Variants in TBL1XR1 observed in about 807,000 individuals in gnomAD.
The protein encoded by TBL1XR1 is F-box-like/WD repeat-containing protein TBL1XR1.
Under a neutral mutation model 66.9 loss-of-function variants are expected in TBL1XR1, and 5 were observed. The observed-to-expected ratio is 0.07, with a 90% CI of 0.04 to 0.16. The LOEUF is 0.16. Ranked by LOEUF, TBL1XR1 falls within the 10% of genes least tolerant of loss-of-function variation. The pLI is 1.00. For missense variants in TBL1XR1, 238 were observed against 623.2 expected, an observed-to-expected ratio of 0.38 and a Z score of 6.58; for synonymous variants, 210 against 206.0, an observed-to-expected ratio of 1.02 and a Z score of -0.17.
intron 2 of TBL1XR1, among the ~76,000 whole-genome samples, chr3:177,081,734 C>T (rs1382989400): frequency 1.9e-4 from 19 of 102,004 alleles, no homozygotes; most frequent in African/African-American, 7.7e-4. Flanking sequence ...TAAGGCAAGA[C>T]CCTGACTTCA....
In TBL1XR1 at chr3:177,150,257, G is replaced by A. The variant is rs77874870; in HGVS notation, c.-122+46864C>T. ...TTTAAATTAACAAACTGGCCTTAGA[G>A]AGACATATGGAATGGTATTCAAGAA... On this transcript the variant is annotated intron_variant, in intron 1 of 15. Transcript: ENST00000457928. Among the ~76,000 whole-genome samples the A allele has an allele frequency of 4.2e-3, 635 of 152,300 alleles. 11 individuals are homozygous for A. Among genetic ancestry groups the A allele is most frequent in the African/African-American group, 9.7e-3 (402 of 41,562 alleles).
chr3:177,182,729 T>C lies in TBL1XR1; in HGVS notation c.-122+14392A>G, dbSNP rs1168824408. ...GAAACACATGACTAGTGGTCATCATTGGCAAGGATGTTAATTTAAGACTGT... is the reference window on the plus strand; with the variant it reads ...GAAACACATGACTAGTGGTCATCATCGGCAAGGATGTTAATTTAAGACTGT... On this transcript the variant is annotated intron_variant, in intron 1 of 15. Coordinates refer to ENST00000457928, the MANE Select transcript of TBL1XR1 (RefSeq NM_024665.7). Among the ~76,000 whole-genome samples, 4 of 151,912 alleles carry C rather than the reference T, an allele frequency of 2.6e-5. No individual in the cohort carries two copies. The East Asian group carries it at 7.7e-4, about 29-fold the overall frequency.
At chr3:177,198,989 A>G (rs1397309951), upstream of TBL1XR1, among the ~76,000 whole-genome samples, 1 of 152,020 alleles carries the variant, frequency 6.6e-6, no homozygotes, top group Admixed American at 6.6e-5. Context: ...GCCAAGGTCA[A>G]TGTCTCTTTC....
chr3:177,082,738 T>TTATTTATATATATA (rs1721565980), intron 2 of TBL1XR1, among the ~76,000 whole-genome samples: 1 of 63,234 alleles, frequency 1.6e-5, no homozygotes, highest in African/African-American at 6.4e-5. Flanking sequence ...AAGATAGAGA[T>TTATTTATATATATA]TATATATATA....
chr3:177,090,515 A>G (rs2108640371), intron 2 of TBL1XR1, among the ~76,000 whole-genome samples: 1 of 120,696 alleles, frequency 8.3e-6, no homozygotes, highest in African/African-American at 3.4e-5. Flanking sequence ...CACTGTCTCT[A>G]CTAAAAAAAA....
At chr3:177,099,138 AG>A (rs1263045544) in intron 1 of TBL1XR1, among the ~76,000 whole-genome samples, 1 of 152,094 alleles carries the variant, frequency 6.6e-6, no homozygotes, top group Non-Finnish European at 1.5e-5. Context: ...AGGCCGAAGC[AG>A]GCGGATCACC....
At chr3:177,044,866 C>T (rs1716108829) in intron 10 of TBL1XR1, 1 of 152,088 alleles carries the variant, frequency 6.6e-6, no homozygotes, top group Non-Finnish European at 1.5e-5. Context: ...GTACCATAAA[C>T]ATACTTACTT....
At chr3:177,063,151 GATA>G (rs1718735312) in intron 3 of TBL1XR1, among the ~76,000 whole-genome samples, 1 of 151,906 alleles carries the variant, frequency 6.6e-6, no homozygotes. Context: ...CACAACTTTT[GATA>G]ATATTTAATC....
At chr3:177,074,108 C>T (rs1191918651) in intron 2 of TBL1XR1, among the ~76,000 whole-genome samples, 1 of 152,138 alleles carries the variant, frequency 6.6e-6, no homozygotes, top group Non-Finnish European at 1.5e-5. Context: ...GCAGGGCTAG[C>T]TGGGCAAAAA....
intron 1 of TBL1XR1, among the ~76,000 whole-genome samples, chr3:177,131,953 C>T (rs182796399): frequency 1.3e-5 from 2 of 151,190 alleles, no homozygotes; most frequent in East Asian, 3.9e-4. Context: ...GATTGTTAAC[C>T]CCAGAAGGCT....
intron 1 of TBL1XR1, among the ~76,000 whole-genome samples, chr3:177,188,789 A>G: frequency 6.6e-6 from 1 of 152,232 alleles, no homozygotes; most frequent in Non-Finnish European, 1.5e-5. Context: ...ACCTTTCAGC[A>G]TGATCCTTAC....
chr3:177,112,146 T>G (rs2108727563), intron 1 of TBL1XR1, among the ~76,000 whole-genome samples: 1 of 135,822 alleles, frequency 7.4e-6, no homozygotes, highest in East Asian at 2.3e-4. Flanking sequence ...CTGACTCTGT[T>G]GCCGAGGCTG....
At chr3:177,159,518 A>AGCAT (rs2108883096) in intron 1 of TBL1XR1, among the ~76,000 whole-genome samples, 1 of 152,350 alleles carries the variant, frequency 6.6e-6, no homozygotes, top group Non-Finnish European at 1.5e-5. Flanking sequence ...AAAAACCAAG[A>AGCAT]CACAAAATTC....
chr3:177,031,015 G>A (rs1204833839), intron 14 of TBL1XR1, among the ~76,000 whole-genome samples: 1 of 152,194 alleles, frequency 6.6e-6, no homozygotes, highest in African/African-American at 2.4e-5. Context: ...ATGGGGCTGA[G>A]GCAGGAGAAT....
intron 2 of TBL1XR1, among the ~76,000 whole-genome samples, chr3:177,073,233 C>G (rs559146756): frequency 6.6e-6 from 1 of 152,112 alleles, no homozygotes; most frequent in East Asian, 1.9e-4. Context: ...CCTATTGAGT[C>G]CCTCATGGCA....
At chr3:177,089,750 CAG>C (rs1433116560) in intron 2 of TBL1XR1, among the ~76,000 whole-genome samples, 1 of 152,122 alleles carries the variant, frequency 6.6e-6, no homozygotes, top group African/African-American at 2.4e-5. Context: ...TAGAAGGGCT[CAG>C]GGGATTGATC....
chr3:177,197,341 G>C lies in TBL1XR1; in HGVS notation c.-342C>G, dbSNP rs1483224886. The C allele has an allele frequency of 1.4e-5, 2 of 146,804 alleles. No homozygotes were observed. Among genetic ancestry groups the C allele is most frequent in the South Asian group, 3.7e-4 (2 of 5,472 alleles). The allele number at this position is 146,804 out of a possible 1,614,324, so 9.1% of individuals were successfully genotyped here. On this transcript the variant is annotated 5_prime_UTR_variant, in exon 1 of 16. Transcript: ENST00000457928. Reference sequence around the variant, plus strand: ...CGCGGGTCCCCAGGTGGCGAGCGGAGGTGCTCCCGCCGCGGGGGGAGGGGC... The same window carrying C: ...CGCGGGTCCCCAGGTGGCGAGCGGACGTGCTCCCGCCGCGGGGGGAGGGGC...
intron 1 of TBL1XR1, among the ~76,000 whole-genome samples, chr3:177,166,792 A>G (rs943884934): frequency 1.1e-4 from 17 of 152,230 alleles, no homozygotes; most frequent in African/African-American, 3.9e-4. Flanking sequence ...TTAAACAATA[A>G]TGAAATATCA....
At chr3:177,104,083 T>C (rs11916602) in intron 1 of TBL1XR1, among the ~76,000 whole-genome samples, 16,752 of 147,058 alleles carry the variant, frequency 0.11, 1,110 homozygotes, top group Admixed American at 0.19. Context: ...ATCACTGCAT[T>C]CCAGCCTGGG....
Sources: gnomAD v4.1 joint callset for allele counts (sites outside exome capture counted in the v4.1 genomes callset) on GRCh38, gnomAD v4.1.1 for gene constraint, MANE v1.5 for transcripts, NCBI Gene and HGNC (gene_info 2026-07-23, HGNC 2026-07-21) for gene names.